The following STEAP3 variants were observed in gnomAD, a reference collection of about 807,000 sequenced individuals.
The protein encoded by STEAP3 is STEAP3 metalloreductase, also known as metalloreductase STEAP3.
STEAP3 carries 35 observed loss-of-function variants against 34.9 expected under a neutral mutation model. That is an observed-to-expected ratio of 1.00 (90% CI 0.76 to 1.33). The LOEUF (loss-of-function observed/expected upper bound fraction) is 1.33, where lower values mean the gene tolerates loss of function less well. STEAP3 is among the 40% of genes most tolerant of loss of function. The probability of loss-of-function intolerance (pLI) is 0.00; values close to 1 mark genes in which losing one functional copy is unlikely to be tolerated. For synonymous variants in STEAP3, 281 were observed against 301.6 expected, an observed-to-expected ratio of 0.93 and a Z score of 0.71; for missense variants, 652 against 667.6, an observed-to-expected ratio of 0.98 and a Z score of 0.26.
At chr2:119,233,050 C>A (rs891077403) in intron 2 of STEAP3, among the ~76,000 whole-genome samples, 4 of 152,212 alleles carry the variant, frequency 2.6e-5, no homozygotes, top group Non-Finnish European at 4.4e-5. Flanking sequence ...ATAGATCAGG[C>A]AGACCCAGGT....
chr2:119,234,561 A>G (rs945741658), intron 2 of STEAP3, among the ~76,000 whole-genome samples: 1 of 152,228 alleles, frequency 6.6e-6, no homozygotes, highest in African/African-American at 2.4e-5. Flanking sequence ...CTTTCTCCTA[A>G]GAGCCTTAAA....
At chr2:119,235,693 G>T (rs139065680) in intron 2 of STEAP3, among the ~76,000 whole-genome samples, 19 of 152,342 alleles carry the variant, frequency 1.2e-4, no homozygotes, top group African/African-American at 3.6e-4. Flanking sequence ...AGCTTGGAGT[G>T]GGGGAGAAGA....
rs761969248 is a variant in STEAP3 at position 119,263,208 on chromosome 2, A to C, written c.1367A>C (p.Lys456Thr). The C allele has an allele frequency of 3.7e-6, 6 of 1,613,912 alleles. No individual in the cohort carries two copies. The Admixed American group carries it at 6.7e-5, about 18-fold the overall frequency. ...LLVPCVVILA[K>T]ALFLLPCISR... ...GTGCCCTGCGTCGTCATCCTGGCCAAAGCCCTGTTTCTCCTGCCCTGCATC... is the reference window on the plus strand; with the variant it reads ...GTGCCCTGCGTCGTCATCCTGGCCACAGCCCTGTTTCTCCTGCCCTGCATC... Residue 456 changes from lysine (K) to threonine (T), a missense_variant, in exon 6 of 6, where the codon AAA becomes ACA. Physicochemically the swap from Lys to Thr is moderately conservative, Grantham distance 78 (BLOSUM62 -1). Transcript: ENST00000393110.
rs1678061230 is a variant in STEAP3 at position 119,264,849 on chromosome 2, AC to A, written c.*1512del. ...TTTCATGAGCTCATGTCTATGCAGC[AC>A]ATAAGGGTTCTTCAGTGAAAAGCAG... On this transcript the variant is annotated 3_prime_UTR_variant, in exon 6 of 6. Transcript: ENST00000393110. 6.7e-6 allele frequency: 1 copy of A among 150,188 alleles called. No homozygotes were observed. Among genetic ancestry groups the A allele is most frequent in the East Asian group, 1.9e-4 (1 of 5,190 alleles). 9.3% of individuals were successfully genotyped at this position (150,188 alleles called of 1,614,324 possible).
In STEAP3 at chr2:119,260,287, T is replaced by C. The variant is rs564393225; in HGVS notation, c.1216-2770T>C. 8.6e-5 allele frequency among the ~76,000 whole-genome samples: 13 copies of C among 151,888 alleles called. No homozygotes were observed. In the South Asian group the frequency reaches 2.1e-3, roughly 24 times the overall value. On this transcript the variant is annotated intron_variant, in intron 5 of 5. Transcript: ENST00000393110. ...ACCTGGCTGGGGAACATCAGGGTGATTGACTTCAAGACTTACTCTTTTTTT... is the reference window on the plus strand; with the variant it reads ...ACCTGGCTGGGGAACATCAGGGTGACTGACTTCAAGACTTACTCTTTTTTT...
At chr2:119,245,457 T>C in intron 2 of STEAP3, 32 bp from the exon 3 acceptor site, 1 of 1,549,880 alleles carries the variant, frequency 6.5e-7, no homozygotes, top group East Asian at 2.3e-5. Context: ...CCAGGAGCCC[T>C]CCACTGACCA....
At chr2:119,257,366 G>C (rs1310671307) in intron 5 of STEAP3, 5 of 1,373,188 alleles carry the variant, frequency 3.6e-6, no homozygotes, top group Non-Finnish European at 4.7e-6. Context: ...ACCCAGGCCT[G>C]CCTCCCATCC....
chr2:119,227,110 A>G (rs1026439299), intron 1 of STEAP3, among the ~76,000 whole-genome samples: 8 of 152,264 alleles, frequency 5.3e-5, no homozygotes, highest in Admixed American at 4.6e-4. Flanking sequence ...ACCACCCCAC[A>G]AACACCCGTG....
chr2:119,259,906 A>T (rs994827523), intron 5 of STEAP3, among the ~76,000 whole-genome samples: 16 of 152,206 alleles, frequency 1.1e-4, no homozygotes, highest in African/African-American at 3.6e-4. Flanking sequence ...ACCTGAGCAG[A>T]GGGGCCCGTG....
intron 4 of STEAP3, among the ~76,000 whole-genome samples, chr2:119,252,903 A>T (rs1369091444): frequency 2.0e-5 from 3 of 152,354 alleles, no homozygotes; most frequent in South Asian, 2.1e-4. Context: ...GTGTGTAATC[A>T]TCCAAACTCT....
At chr2:119,256,169 C>T (rs1257620153) in intron 5 of STEAP3, among the ~76,000 whole-genome samples, 3 of 152,180 alleles carry the variant, frequency 2.0e-5, no homozygotes, top group East Asian at 1.9e-4. Flanking sequence ...AATGCTCTTA[C>T]GTAATCCAAA....
intron 2 of STEAP3, among the ~76,000 whole-genome samples, chr2:119,231,461 A>T (rs1314529323): frequency 6.6e-6 from 1 of 151,664 alleles, no homozygotes; most frequent in Non-Finnish European, 1.5e-5. Flanking sequence ...CTTATTGGTA[A>T]CCATTTCTGC....
At chr2:119,259,928 C>A (rs1450989150) in intron 5 of STEAP3, among the ~76,000 whole-genome samples, 1 of 152,158 alleles carries the variant, frequency 6.6e-6, no homozygotes, top group African/African-American at 2.4e-5. Flanking sequence ...GGACTTTTCA[C>A]CCTGAAGCTA....
At chr2:119,243,286 C>A (rs1030312444) in intron 2 of STEAP3, among the ~76,000 whole-genome samples, 2 of 152,194 alleles carry the variant, frequency 1.3e-5, no homozygotes, top group East Asian at 1.9e-4. Context: ...GAATGCACCC[C>A]CTTCCACCCA....
chr2:119,230,871 G>T lies in STEAP3; in HGVS notation c.-142G>T. The T allele has an allele frequency of 1.8e-6, 2 of 1,122,128 alleles. No homozygotes were observed. Among genetic ancestry groups the T allele is most frequent in the South Asian group, 1.3e-5 (1 of 76,544 alleles). The allele number at this position is 1,122,128 out of a possible 1,614,324, so 69.5% of individuals were successfully genotyped here. A position where few individuals can be genotyped will look rare whatever the true frequency, so the allele number is the denominator to read the frequency against. On this transcript the variant is annotated 5_prime_UTR_variant, in exon 2 of 6. Coordinates refer to ENST00000393110, the MANE Select transcript of STEAP3 (RefSeq NM_182915.3). ...GAGGCAGCTGGCTGTGCAAGACCCT[G>T]GCAGGGCCCTCGCCTCCTGAGAAAC... is the stretch of plus-strand genomic sequence containing the variant.
At chr2:119,251,525 AC>A (rs1442540955) in intron 4 of STEAP3, among the ~76,000 whole-genome samples, 3 of 152,144 alleles carry the variant, frequency 2.0e-5, no homozygotes, top group Non-Finnish European at 1.5e-5. Flanking sequence ...TAACCTGCAC[AC>A]TGTTCTCCTG....
chr2:119,252,148 C>CAA (rs1464055736), intron 4 of STEAP3, among the ~76,000 whole-genome samples: 2 of 152,214 alleles, frequency 1.3e-5, no homozygotes, highest in Non-Finnish European at 2.9e-5. Flanking sequence ...TGCCTTGCTG[C>CAA]CACTAAGAAC....
chr2:119,248,107 G>A lies in STEAP3; in HGVS notation c.951G>A (p.Leu317=). ...HWLQHRKQIG[L]LSFFCAALHA... ...TACAGCACCGCAAGCAGATCGGGCT[G>A]CTCAGCTTCTTCTGCGCCGCCCTGC... Residue 317 remains leucine, a synonymous_variant, in exon 4 of 6, where the codon CTG becomes CTA. Transcript: ENST00000393110. The A allele has an allele frequency of 6.2e-7, 1 of 1,608,770 alleles. No individual in the cohort carries two copies. Among genetic ancestry groups the A allele is most frequent in the East Asian group, 2.2e-5 (1 of 44,862 alleles).
chr2:119,258,430 C>A (rs908569177), intron 5 of STEAP3, among the ~76,000 whole-genome samples: 4 of 152,032 alleles, frequency 2.6e-5, no homozygotes, highest in Admixed American at 2.6e-4. Flanking sequence ...CCCAGCCCCC[C>A]ATTCAGGTGA....
Sources: allele counts gnomAD v4.1 joint callset (sites outside exome capture counted in the v4.1 genomes callset), GRCh38; gene constraint gnomAD v4.1.1; transcripts MANE v1.5; gene names NCBI Gene and HGNC (gene_info 2026-07-23, HGNC 2026-07-21).